Variants in CDH2 observed in about 807,000 individuals in gnomAD.
CDH2 encodes cadherin 2.
A neutral mutation model predicts 92.0 loss-of-function variants in CDH2; 17 were observed. That is an observed-to-expected ratio of 0.18 (90% CI 0.13 to 0.28). CDH2 has a LOEUF of 0.28. Among genes scored for constraint, CDH2 ranks in the 10% least tolerant of loss-of-function variants. CDH2 has a pLI of 1.00. For synonymous variants in CDH2, 419 were observed against 415.9 expected, an observed-to-expected ratio of 1.01 and a Z score of -0.09; for missense variants, 862 against 1,133.1, an observed-to-expected ratio of 0.76 and a Z score of 3.44.
intron 2 of CDH2, 42 bp from the exon 3 acceptor site, chr18:28,013,951 A>C (rs1439435110): frequency 7.0e-7 from 1 of 1,420,206 alleles, no homozygotes; most frequent in Non-Finnish European, 9.7e-7. Flanking sequence ...TAATTATACC[A>C]AAAAGGCAAA....
intron 6 of CDH2, among the ~76,000 whole-genome samples, chr18:27,944,032 A>G (rs889988299): frequency 5.9e-5 from 9 of 152,196 alleles, no homozygotes; most frequent in African/African-American, 2.2e-4. Context: ...ATGAAACAAA[A>G]AAATTATTAC....
intron 14 of CDH2, among the ~76,000 whole-genome samples, chr18:27,966,080 T>C (rs1303053687): frequency 2.7e-5 from 4 of 150,474 alleles, no homozygotes; most frequent in Non-Finnish European, 5.9e-5. Context: ...TTCCAGGCCA[T>C]GTTTAATTGT....
chr18:28,136,380 T>G (rs2015862185), intron 2 of CDH2, among the ~76,000 whole-genome samples: 1 of 151,464 alleles, frequency 6.6e-6, no homozygotes, highest in African/African-American at 2.4e-5. Context: ...CGTTCTTTGC[T>G]GTAATCTTTT....
At position 28,177,004 on chromosome 18, in the gene CDH2, C is replaced by G; in HGVS notation, c.19G>C (p.Ala7Pro). The G allele has an allele frequency of 6.1e-6, 9 of 1,484,132 alleles. No individual in the cohort carries two copies. The highest frequency in any genetic ancestry group is 8.0e-6 in the Non-Finnish European group (9 of 1,120,546). 91.9% of individuals were successfully genotyped at this position (1,484,132 alleles called of 1,614,324 possible). The change falls in exon 1 of 16, where the codon GCG becomes CCG. Residue 7 changes from alanine (A) to proline (P), a missense_variant. By Grantham distance (27) the Ala-to-Pro change is conservative. Transcript: ENST00000269141. The part of the protein sequence containing the change: MCRIAG[A>P]LRTLLPLLAA... ...AGCAGCGGCAGCAGGGTCCGCAGCG[C>G]TCCCGCTATCCGGCACATGGAGGCG...
chr18:28,006,492 C>T (rs528911817), intron 5 of CDH2, among the ~76,000 whole-genome samples: 4 of 151,642 alleles, frequency 2.6e-5, no homozygotes, highest in South Asian at 2.1e-4. Flanking sequence ...CCAAGGAGGG[C>T]GGATCACCTG....
chr18:28,001,591 C>T (rs1567958298), intron 7 of CDH2, among the ~76,000 whole-genome samples: 1 of 152,126 alleles, frequency 6.6e-6, no homozygotes, highest in African/African-American at 2.4e-5. Flanking sequence ...AAAATATACA[C>T]ATGTTACTGA....
intron 14 of CDH2, among the ~76,000 whole-genome samples, chr18:27,970,726 A>G (rs760658634): frequency 2.0e-5 from 3 of 152,246 alleles, no homozygotes; most frequent in Non-Finnish European, 4.4e-5. Flanking sequence ...CGTCTATAAC[A>G]ATGTTCAACA....
At chr18:28,071,118 AG>A (rs1003385688) in intron 2 of CDH2, among the ~76,000 whole-genome samples, 3 of 151,982 alleles carry the variant, frequency 2.0e-5, no homozygotes, top group Non-Finnish European at 1.5e-5. Flanking sequence ...TTGTTGGGGC[AG>A]GGTCTTAGCT....
intron 7 of CDH2, among the ~76,000 whole-genome samples, chr18:27,994,233 G>A (rs754511989): frequency 1.3e-4 from 20 of 152,124 alleles, no homozygotes; most frequent in Non-Finnish European, 2.2e-4. Flanking sequence ...AAGGGTTTCC[G>A]TTTATTTCCA....
intron 2 of CDH2, among the ~76,000 whole-genome samples, chr18:28,052,214 T>C (rs984082507): frequency 6.6e-6 from 1 of 151,978 alleles, no homozygotes; most frequent in Non-Finnish European, 1.5e-5. Flanking sequence ...ATTAGAAGAG[T>C]CATAATTTCA....
intron 2 of CDH2, among the ~76,000 whole-genome samples, chr18:28,119,868 G>A (rs894968580): frequency 6.6e-6 from 1 of 151,954 alleles, no homozygotes; most frequent in Non-Finnish European, 1.5e-5. Flanking sequence ...GGCATTCTCT[G>A]CCTGCCTGCT....
At chr18:28,136,663 G>T (rs2015867338) in intron 2 of CDH2, among the ~76,000 whole-genome samples, 1 of 152,080 alleles carries the variant, frequency 6.6e-6, no homozygotes, top group Non-Finnish European at 1.5e-5. Context: ...CAAGAAAGAA[G>T]ACTTAATTTA....
At chr18:28,089,133 T>A (rs2014991401) in intron 2 of CDH2, among the ~76,000 whole-genome samples, 1 of 152,142 alleles carries the variant, frequency 6.6e-6, no homozygotes, top group Non-Finnish European at 1.5e-5. Flanking sequence ...GTCATTCAAC[T>A]CTAGCACACT....
At chr18:27,989,312 T>C (rs1347177031) in intron 10 of CDH2, among the ~76,000 whole-genome samples, 2 of 152,196 alleles carry the variant, frequency 1.3e-5, no homozygotes, top group Admixed American at 6.5e-5. Flanking sequence ...AGATAACCAG[T>C]TGGATTGGAA....
chr18:28,070,678 C>T (rs1267439731), intron 2 of CDH2, among the ~76,000 whole-genome samples: 1 of 152,190 alleles, frequency 6.6e-6, no homozygotes, highest in Non-Finnish European at 1.5e-5. Context: ...AGGCAGTATG[C>T]CCACTCCCAG....
At chr18:28,004,630 TA>T (rs2012863124) in intron 6 of CDH2, among the ~76,000 whole-genome samples, 1 of 152,126 alleles carries the variant, frequency 6.6e-6, no homozygotes, top group Admixed American at 6.5e-5. Flanking sequence ...GAAAATAATA[TA>T]AAAAAATTTC....
intron 5 of CDH2, 62 bp from the exon 6 acceptor site, chr18:28,006,055 T>C: frequency 2.3e-6 from 3 of 1,305,776 alleles, no homozygotes; most frequent in South Asian, 1.3e-5. Flanking sequence ...GATAAATACA[T>C]CATCATAAGG....
At chr18:28,126,780 C>G (rs75451959) in intron 2 of CDH2, among the ~76,000 whole-genome samples, 194 of 152,290 alleles carry the variant, frequency 1.3e-3, no homozygotes, top group Non-Finnish European at 2.0e-3. Context: ...ATAGGCCATC[C>G]TGGCAGAACT....
intron 2 of CDH2, among the ~76,000 whole-genome samples, chr18:28,126,835 A>T (rs1294803365): frequency 6.6e-6 from 1 of 152,198 alleles, no homozygotes; most frequent in East Asian, 1.9e-4. Context: ...TGAAAGGTGG[A>T]CAGAGGGGAC....
Sources: gnomAD v4.1 joint callset for allele counts (sites outside exome capture counted in the v4.1 genomes callset) on GRCh38, gnomAD v4.1.1 for gene constraint, MANE v1.5 for transcripts, NCBI Gene and HGNC (gene_info 2026-07-23, HGNC 2026-07-21) for gene names.